RAI2: variants seen among roughly 807,000 people sequenced by gnomAD.
RAI2 encodes the protein retinoic acid-induced protein 2.
RAI2 carries 5 observed loss-of-function variants against 15.3 expected under a neutral mutation model. The ratio of observed to expected loss-of-function variants is 0.33; its 90% CI spans 0.17 to 0.69. The LOEUF (loss-of-function observed/expected upper bound fraction) is 0.69, where lower values mean the gene tolerates loss of function less well. RAI2 is among the 30% of genes least tolerant of loss of function. The pLI is 0.69. For missense variants in RAI2, 424 were observed against 424.7 expected, an observed-to-expected ratio of 1.00 and a Z score of 0.01; for synonymous variants, 191 against 184.0, an observed-to-expected ratio of 1.04 and a Z score of -0.31.
At chrX:17,855,614 C>T (rs757806292) in intron 1 of RAI2, among the ~76,000 whole-genome samples, 1 of 111,749 alleles carries the variant, frequency 8.9e-6, no homozygotes, top group South Asian at 3.8e-4. Flanking sequence ...GACTCAGCCC[C>T]CTGCCTCCCA....
chrX:17,841,121 G>C (rs1305674177), intron 1 of RAI2, among the ~76,000 whole-genome samples: 2 of 109,565 alleles, frequency 1.8e-5, no homozygotes, highest in Non-Finnish European at 3.8e-5. Flanking sequence ...TTAGTTTTTT[G>C]GAAGAACTCT....
At chrX:17,857,377 GC>G (rs2067624297) in intron 1 of RAI2, among the ~76,000 whole-genome samples, 1 of 111,702 alleles carries the variant, frequency 9.0e-6, no homozygotes, top group South Asian at 3.8e-4. Flanking sequence ...GGGCTACGGG[GC>G]TTGCTTTAAC....
At chrX:17,828,502 G>A (rs753923118) in intron 1 of RAI2, among the ~76,000 whole-genome samples, 1 of 111,857 alleles carries the variant, frequency 8.9e-6, no homozygotes, top group South Asian at 3.8e-4. Flanking sequence ...TTACATTCTA[G>A]AGATGAAGGG....
chrX:17,814,410 T>C (rs1285748096), intron 1 of RAI2, among the ~76,000 whole-genome samples: 2 of 105,512 alleles, frequency 1.9e-5, no homozygotes, highest in East Asian at 5.9e-4. Flanking sequence ...GTAAGTAGCA[T>C]TTGGTGTATA....
intron 1 of RAI2, among the ~76,000 whole-genome samples, chrX:17,831,644 C>T (rs2067283465): frequency 8.9e-6 from 1 of 112,396 alleles, no homozygotes; most frequent in Non-Finnish European, 1.9e-5. Flanking sequence ...TGGGCACGGA[C>T]AATGCCAAGG....
chrX:17,808,668 C>T (rs1224899721), intron 1 of RAI2, among the ~76,000 whole-genome samples: 2 of 110,072 alleles, frequency 1.8e-5, no homozygotes, highest in Non-Finnish European at 3.8e-5. Flanking sequence ...CATGTGCCCT[C>T]ACCCCCAGGA....
chrX:17,800,531 G>C lies in RAI2; in HGVS notation c.1480C>G (p.Leu494Val), dbSNP rs1423008996. 8.3e-7 allele frequency: 1 copy of C among 1,209,090 alleles called. No homozygotes were observed. The highest frequency in any genetic ancestry group is 1.8e-5 in the African/African-American group (1 of 56,987). ...CTCCGGTTTTTGATGGGTTTCCTAA[G>C]GGGCTCTGCATTTCCCATGGACTCT... ...GEESMGNAEP[L>V]RKPIKNRSIK... Residue 494 changes from leucine (L) to valine (V), a missense_variant, in exon 2 of 2, where the codon CTT becomes GTT. By Grantham distance (32) the Leu-to-Val change is conservative. Transcript: ENST00000451717.
At chrX:17,822,782 G>A (rs971804854) in intron 1 of RAI2, among the ~76,000 whole-genome samples, 1 of 112,100 alleles carries the variant, frequency 8.9e-6, no homozygotes, top group Non-Finnish European at 1.9e-5. Flanking sequence ...CCTGCCCTTG[G>A]CACAGGTAAG....
intron 1 of RAI2, among the ~76,000 whole-genome samples, chrX:17,844,995 A>G (rs1396977098): frequency 1.8e-5 from 2 of 112,636 alleles, no homozygotes; most frequent in Non-Finnish European, 3.8e-5. Context: ...ACCAAACATT[A>G]CCAAGGAAAG....
chrX:17,810,819 T>C (rs1254758521), intron 1 of RAI2, among the ~76,000 whole-genome samples: 2 of 113,023 alleles, frequency 1.8e-5, no homozygotes, highest in African/African-American at 3.2e-5. Flanking sequence ...GAACTAGATT[T>C]GTGGCCATTC....
chrX:17,800,463 G>T lies in RAI2; in HGVS notation c.1548C>A (p.Leu516=), dbSNP rs959737417. The stretch of plus-strand genomic sequence containing the variant: ...TGGCCAGCCGTTGTTTTTTGATTGG[G>T]AGCATGTGTATTTCCTGGGAGTTCA... The part of the protein sequence containing the change: ...KKVNSQEIHM[L]PIKKQRLATF... Residue 516 remains leucine (L), a synonymous_variant, in exon 2 of 2, where the codon CTC becomes CTA. Transcript: ENST00000451717. 2.5e-6 allele frequency: 3 copies of T among 1,204,027 alleles called. No homozygotes were observed. Among genetic ancestry groups the T allele is most frequent in the African/African-American group, 3.5e-5 (2 of 56,766 alleles).
chrX:17,801,345 G>A lies in RAI2; in HGVS notation c.666C>T (p.Ser222=). The change falls in exon 2 of 2, where the codon TCC becomes TCT. Residue 222 remains serine (S), a synonymous_variant. Transcript: ENST00000451717. ...VPPQPFSSPL[S]PLVPPATLLV... ...AGAGGGTGGCTGGTGGGACCAGGGG[G>A]GACAAGGGGGAGCTAAAAGGCTGTG... 2 of 1,158,147 alleles carry A rather than the reference G, an allele frequency of 1.7e-6. No individual in the cohort carries two copies.
intron 1 of RAI2, among the ~76,000 whole-genome samples, chrX:17,835,711 C>T (rs1453653612): frequency 8.9e-6 from 1 of 111,891 alleles, no homozygotes; most frequent in East Asian, 2.8e-4. Flanking sequence ...CCTCCTTCCT[C>T]TGTTCCCTTT....
intron 1 of RAI2, among the ~76,000 whole-genome samples, chrX:17,813,448 T>A (rs1312553698): frequency 1.8e-5 from 2 of 111,427 alleles, no homozygotes; most frequent in Non-Finnish European, 3.8e-5. Context: ...GAAACTATAA[T>A]TGAGTCATTT....
At chrX:17,804,702 G>A (rs1339819854) in intron 1 of RAI2, among the ~76,000 whole-genome samples, 3 of 112,216 alleles carry the variant, frequency 2.7e-5, no homozygotes, top group South Asian at 3.7e-4. Flanking sequence ...CTCCACCCTC[G>A]CAGAAATGGC....
At chrX:17,856,136 G>A (rs774269830) in intron 1 of RAI2, among the ~76,000 whole-genome samples, 1 of 112,342 alleles carries the variant, frequency 8.9e-6, no homozygotes, top group Non-Finnish European at 1.9e-5. Flanking sequence ...GAATTACTGA[G>A]TTGTTGGAGC....
intron 1 of RAI2, among the ~76,000 whole-genome samples, chrX:17,824,594 A>G (rs1041381752): frequency 4.5e-5 from 5 of 111,441 alleles, no homozygotes; most frequent in Middle Eastern, 4.2e-3. Context: ...CCAATGTCTG[A>G]TTTTGAGCAG....
At chrX:17,859,662 T>G (rs1165183809) in intron 1 of RAI2, among the ~76,000 whole-genome samples, 1 of 112,783 alleles carries the variant, frequency 8.9e-6, no homozygotes, top group Non-Finnish European at 1.9e-5. Flanking sequence ...AAACGCCAGA[T>G]GAGGGGGGCC....
At chrX:17,848,732 C>G (rs2067493043) in intron 1 of RAI2, among the ~76,000 whole-genome samples, 1 of 111,330 alleles carries the variant, frequency 9.0e-6, no homozygotes, top group Non-Finnish European at 1.9e-5. Context: ...GGGGGAAAAC[C>G]CAGCTTCATT....
Sources: gnomAD v4.1 joint callset for allele counts (sites outside exome capture counted in the v4.1 genomes callset) on GRCh38, gnomAD v4.1.1 for gene constraint, MANE v1.5 for transcripts, NCBI Gene and HGNC (gene_info 2026-07-23, HGNC 2026-07-21) for gene names.